Variants in MACROD2 observed in about 807,000 individuals in gnomAD.
MACROD2 encodes the protein mono-ADP ribosylhydrolase 2, also known as ADP-ribose glycohydrolase MACROD2.
A neutral mutation model predicts 70.4 loss-of-function variants in MACROD2; 36 were observed. The observed-to-expected ratio is 0.51, with a 90% CI of 0.39 to 0.68. The LOEUF (loss-of-function observed/expected upper bound fraction) is 0.68, where lower values mean the gene tolerates loss of function less well. Among genes scored for constraint, MACROD2 ranks in the 30% least tolerant of loss-of-function variants. MACROD2 has a pLI of 0.00. For missense variants in MACROD2, 496 were observed against 538.4 expected (o/e 0.92, Z 0.78); for synonymous variants, 172 against 178.8 (o/e 0.96, Z 0.30).
chr20:15,422,804 G>A (rs535096288), intron 6 of MACROD2, among the ~76,000 whole-genome samples: 1 of 152,270 alleles, frequency 6.6e-6, no homozygotes, highest in East Asian at 1.9e-4. Flanking sequence ...AAGCCATCTA[G>A]CCCAGCTCTG....
At chr20:15,901,239 GT>G (rs1289463656) in intron 10 of MACROD2, among the ~76,000 whole-genome samples, 1 of 152,042 alleles carries the variant, frequency 6.6e-6, no homozygotes, top group Non-Finnish European at 1.5e-5. Context: ...CTTCCAGTCT[GT>G]CTTCATCTTC....
At chr20:14,832,282 C>T (rs1281876396) in intron 5 of MACROD2, among the ~76,000 whole-genome samples, 1 of 151,780 alleles carries the variant, frequency 6.6e-6, no homozygotes, top group Non-Finnish European at 1.5e-5. Context: ...TTGATCTTCA[C>T]TGAATTGATC....
At chr20:15,646,851 T>C (rs1411182157) in intron 8 of MACROD2, among the ~76,000 whole-genome samples, 2 of 152,214 alleles carry the variant, frequency 1.3e-5, no homozygotes, top group Admixed American at 6.5e-5. Context: ...GTGAGTCAGT[T>C]AAACCTCTTT....
At chr20:14,757,932 A>T (rs1271768300) in intron 5 of MACROD2, 10 of 1,087,714 alleles carry the variant, frequency 9.2e-6, no homozygotes, top group Non-Finnish European at 1.4e-5. Flanking sequence ...GCCGACAGAG[A>T]TACCTACAGA....
In MACROD2 at chr20:14,948,472, C is replaced by T. The variant is rs193174523; in HGVS notation, c.418+263513C>T. 3.9e-5 allele frequency among the ~76,000 whole-genome samples: 6 copies of T among 152,298 alleles called. No homozygotes were observed. The East Asian group carries it at 9.6e-4, about 24-fold the overall frequency. ...AGACCACTGCTGAGTTCTTCACCTG[C>T]AACATTTCCTTTTATCTTTCCTAGG... On this transcript the variant is annotated intron_variant, in intron 5 of 17. Coordinates refer to ENST00000684519, the MANE Select transcript of MACROD2 (RefSeq NM_001351661.2).
intron 1 of MACROD2, among the ~76,000 whole-genome samples, chr20:13,996,666 C>T (rs1036523364): frequency 2.0e-5 from 3 of 152,148 alleles, no homozygotes; most frequent in Non-Finnish European, 4.4e-5. Flanking sequence ...CCAAGATCTC[C>T]CGCTTATCCC....
intron 6 of MACROD2, among the ~76,000 whole-genome samples, chr20:15,230,692 A>G (rs1251173726): frequency 2.0e-5 from 3 of 152,124 alleles, no homozygotes; most frequent in Non-Finnish European, 4.4e-5. Context: ...ATGTGGATCT[A>G]ATCTATTTCC....
At chr20:15,943,951 T>C (rs1027516474) in intron 12 of MACROD2, among the ~76,000 whole-genome samples, 5 of 152,160 alleles carry the variant, frequency 3.3e-5, no homozygotes, top group African/African-American at 1.2e-4. Flanking sequence ...TATTGCTTCA[T>C]TTAACAATAA....
At chr20:14,049,112 G>T (rs1271480341) in intron 2 of MACROD2, among the ~76,000 whole-genome samples, 1 of 146,240 alleles carries the variant, frequency 6.8e-6, no homozygotes, top group Non-Finnish European at 1.5e-5. Context: ...TTAAAAGAAG[G>T]CCAACAATCA....
Position 14,986,982 on chromosome 20 carries a change from A to G in MACROD2, c.419-242958A>G, listed in dbSNP as rs185751427. Reference sequence around the variant, plus strand: ...GACTGAGTGTTTGACACACTTGCCCAGAACTCCTGCATACAAATGAGGAGT... The same window carrying G: ...GACTGAGTGTTTGACACACTTGCCCGGAACTCCTGCATACAAATGAGGAGT... On this transcript the variant is annotated intron_variant, in intron 5 of 17. Coordinates refer to ENST00000684519, the MANE Select transcript of MACROD2 (RefSeq NM_001351661.2). Among the ~76,000 whole-genome samples the G allele has an allele frequency of 2.6e-5, 4 of 152,344 alleles. No individual in the cohort carries two copies. The East Asian group carries it at 7.7e-4, about 29-fold the overall frequency.
intron 5 of MACROD2, among the ~76,000 whole-genome samples, chr20:14,878,672 TG>T: frequency 6.6e-6 from 1 of 152,302 alleles, no homozygotes; most frequent in South Asian, 2.1e-4. Context: ...AATAATTTAT[TG>T]GATGAATTCT....
At chr20:14,097,146 C>T (rs11699040) in intron 3 of MACROD2, among the ~76,000 whole-genome samples, 4,043 of 152,224 alleles carry the variant, frequency 0.027, 53 homozygotes, top group Non-Finnish European at 0.032. Flanking sequence ...ATCAAACAGG[C>T]CTGCCATCTT....
rs530367175 is a variant in MACROD2 at position 14,400,911 on chromosome 20, T to C, written c.272-92568T>C. Among the ~76,000 whole-genome samples, 5 of 152,302 alleles carry C rather than the reference T, an allele frequency of 3.3e-5. No homozygotes were observed. In the East Asian group the frequency reaches 5.8e-4, roughly 18 times the overall value. ...TATTAATAATATCCATTAGTACTTA[T>C]GATGTTAATGGTAAATGTTCTTTGG... On this transcript the variant is annotated intron_variant, in intron 3 of 17. Coordinates refer to ENST00000684519, the MANE Select transcript of MACROD2 (RefSeq NM_001351661.2).
At chr20:16,031,440 G>A (rs1318498506) in intron 15 of MACROD2, among the ~76,000 whole-genome samples, 1 of 152,116 alleles carries the variant, frequency 6.6e-6, no homozygotes, top group Non-Finnish European at 1.5e-5. Flanking sequence ...AAGATTAACA[G>A]TTCACATACA....
chr20:14,701,770 C>A (rs766193368), intron 5 of MACROD2, among the ~76,000 whole-genome samples: 35 of 152,138 alleles, frequency 2.3e-4, no homozygotes, highest in Non-Finnish European at 4.6e-4. Context: ...CTAAGACAGT[C>A]TAACAAAACA....
intron 5 of MACROD2, among the ~76,000 whole-genome samples, chr20:15,047,580 G>C (rs972576590): frequency 6.6e-6 from 1 of 152,142 alleles, no homozygotes; most frequent in African/African-American, 2.4e-5. Context: ...TATTATAAGA[G>C]AACTTGAGTT....
rs78134167 is a variant in MACROD2 at position 15,956,568 on chromosome 20, T to A, written c.908-10985T>A. Among the ~76,000 whole-genome samples, 714 of 152,270 alleles carry A rather than the reference T, an allele frequency of 4.7e-3. 5 individuals carry two copies. The highest frequency in any genetic ancestry group is 0.016 in the African/African-American group (681 of 41,554). On this transcript the variant is annotated intron_variant, in intron 12 of 17. Coordinates refer to ENST00000684519, the MANE Select transcript of MACROD2 (RefSeq NM_001351661.2). Reference sequence around the variant, plus strand: ...AAAGTCCTACTTTAAATGAAAGATGTCTTAGACACAAAAACGAAATGCATA... The same window carrying A: ...AAAGTCCTACTTTAAATGAAAGATGACTTAGACACAAAAACGAAATGCATA...
intron 5 of MACROD2, among the ~76,000 whole-genome samples, chr20:15,022,493 G>T (rs1282368496): frequency 2.0e-5 from 3 of 152,154 alleles, no homozygotes; most frequent in Non-Finnish European, 2.9e-5. Context: ...ACTATTAGAA[G>T]CAGAATAGTC....
chr20:15,582,590 C>T (rs1031662252), intron 8 of MACROD2, among the ~76,000 whole-genome samples: 7 of 152,316 alleles, frequency 4.6e-5, no homozygotes, highest in East Asian at 1.9e-4. Flanking sequence ...TCCCTCCGCA[C>T]GACTCATGTA....
Sources: gnomAD v4.1 joint callset for allele counts (sites outside exome capture counted in the v4.1 genomes callset) on GRCh38, gnomAD v4.1.1 for gene constraint, MANE v1.5 for transcripts, NCBI Gene and HGNC (gene_info 2026-07-23, HGNC 2026-07-21) for gene names.